The following RYR3 variants were observed in gnomAD, a reference collection of about 807,000 sequenced individuals.
The protein encoded by RYR3 is ryanodine receptor 3, also known as brain ryanodine receptor-calcium release channel.
A neutral mutation model predicts 584.3 loss-of-function variants in RYR3; 207 were observed. The observed-to-expected ratio is 0.35, with a 90% CI of 0.32 to 0.40. The LOEUF is 0.40. RYR3 is among the 10% of genes least tolerant of loss of function. The probability of loss-of-function intolerance (pLI) is 1.00; values close to 1 mark genes in which losing one functional copy is unlikely to be tolerated. For missense variants in RYR3, 5,616 were observed against 6,089.2 expected, an observed-to-expected ratio of 0.92 and a Z score of 2.59; for synonymous variants, 2,416 against 2,248.5, an observed-to-expected ratio of 1.07 and a Z score of -2.11.
At chr15:33,373,242 A>G (rs1254616828) in intron 1 of RYR3, among the ~76,000 whole-genome samples, 2 of 152,210 alleles carry the variant, frequency 1.3e-5, no homozygotes, top group African/African-American at 2.4e-5. Context: ...ATACATCTCC[A>G]TATGGTGTTA....
At chr15:33,610,968 T>C (rs2060152253) in intron 18 of RYR3, among the ~76,000 whole-genome samples, 1 of 152,144 alleles carries the variant, frequency 6.6e-6, no homozygotes, top group Admixed American at 6.5e-5. Flanking sequence ...GCATTTCGCA[T>C]TTTGGATTTT....
intron 16 of RYR3, among the ~76,000 whole-genome samples, chr15:33,594,572 G>A (rs1160147051): frequency 1.3e-5 from 2 of 152,174 alleles, no homozygotes; most frequent in Non-Finnish European, 2.9e-5. Context: ...CTCCTGTTAC[G>A]TTTGATAGCC....
At chr15:33,372,968 G>T (rs769077641) in intron 1 of RYR3, among the ~76,000 whole-genome samples, 44 of 152,174 alleles carry the variant, frequency 2.9e-4, no homozygotes, top group Non-Finnish European at 5.7e-4. Flanking sequence ...AGTGCTGATT[G>T]TCTTGGTGTT....
At chr15:33,555,151 C>A (rs2056983980) in intron 10 of RYR3, among the ~76,000 whole-genome samples, 1 of 152,302 alleles carries the variant, frequency 6.6e-6, no homozygotes, top group African/African-American at 2.4e-5. Flanking sequence ...GCATGGTGTT[C>A]TTGGCCAAAT....
chr15:33,777,881 G>A (rs971753903), intron 64 of RYR3, among the ~76,000 whole-genome samples: 1 of 152,052 alleles, frequency 6.6e-6, no homozygotes, highest in Non-Finnish European at 1.5e-5. Context: ...TGTAAAATTT[G>A]CTGTCAGGCA....
rs753757420 is a variant in RYR3 at position 33,649,071 on chromosome 15, G to A, written c.3979-1G>A. 10 of 1,612,528 alleles carry A rather than the reference G, an allele frequency of 6.2e-6. No individual in the cohort carries two copies. The highest frequency in any genetic ancestry group is 6.8e-6 in the Non-Finnish European group (8 of 1,179,514). ...GACTCCCCTCTGCGGTCTCTCCACAGCAGTGCTACTACGCCATCCGCATCT... is the reference window on the plus strand; with the variant it reads ...GACTCCCCTCTGCGGTCTCTCCACAACAGTGCTACTACGCCATCCGCATCT... On this transcript the variant is annotated splice_acceptor_variant, in intron 30 of 103. Transcript: ENST00000634891. LOFTEE classifies it high-confidence loss of function.
chr15:33,405,251 G>T (rs2042943982), intron 1 of RYR3, among the ~76,000 whole-genome samples: 1 of 152,176 alleles, frequency 6.6e-6, no homozygotes, highest in African/African-American at 2.4e-5. Context: ...TGAGGCCATG[G>T]TTCTGGCATT....
chr15:33,750,389 C>A, intron 57 of RYR3, 103 bp downstream of exon 57: 1 of 1,149,678 alleles, frequency 8.7e-7, no homozygotes, highest in South Asian at 1.7e-5. Context: ...ACAATTGAGT[C>A]TTTTAAAATG....
intron 32 of RYR3, among the ~76,000 whole-genome samples, chr15:33,659,162 G>A (rs1010937967): frequency 1.3e-5 from 2 of 152,214 alleles, no homozygotes; most frequent in African/African-American, 4.8e-5. Context: ...TACAGTGCAT[G>A]GGATGGCGCC....
At chr15:33,722,591 C>T (rs1029582332) in intron 43 of RYR3, 124 bp from the exon 44 acceptor site, 2 of 933,122 alleles carry the variant, frequency 2.1e-6, no homozygotes, top group Non-Finnish European at 3.4e-6. Flanking sequence ...ACTTGACTGG[C>T]CTAAACCAAA....
At chr15:33,790,135 C>T (rs1355849380) in intron 67 of RYR3, among the ~76,000 whole-genome samples, 1 of 151,556 alleles carries the variant, frequency 6.6e-6, no homozygotes, top group Non-Finnish European at 1.5e-5. Context: ...GGACTACAGG[C>T]GCACACCACC....
In RYR3 at chr15:33,533,385, C is replaced by A; in HGVS notation, c.429C>A (p.Ala143=). ...LAFDVGLREH[A]TGEACWWTIH... The stretch of plus-strand genomic sequence containing the variant: ...TTGATGTAGGTCTACGGGAACATGC[C>A]ACAGGTGAGTCAGCATTCCCAGATC... Residue 143 remains alanine (A), a synonymous_variant, in exon 5 of 104, where the codon GCC becomes GCA. Coordinates refer to ENST00000634891, the MANE Select transcript of RYR3 (RefSeq NM_001036.6). 1 of 1,603,042 alleles carries A rather than the reference C, an allele frequency of 6.2e-7. No individual in the cohort carries two copies. The highest frequency in any genetic ancestry group is 8.5e-7 in the Non-Finnish European group (1 of 1,173,634).
At position 33,669,853 on chromosome 15, in the gene RYR3, G is replaced by T. The variant is rs1295891389; in HGVS notation, c.5722+397G>T. On this transcript the variant is annotated intron_variant, in intron 37 of 103. Transcript: ENST00000634891. ...AGGGGTGTGTGTGTGTGGGGGGGGG[G>T]GGGGGTGTGGGTGTGTGGGTGTGTG... Among the ~76,000 whole-genome samples the T allele has an allele frequency of 2.5e-4, 10 of 40,090 alleles. 2 individuals are homozygous for T. Among genetic ancestry groups the T allele is most frequent in the Non-Finnish European group, 4.6e-4 (7 of 15,378 alleles). The allele number at this position is 40,090 out of a possible 152,430, so 26.3% of individuals were successfully genotyped here.
intron 1 of RYR3, among the ~76,000 whole-genome samples, chr15:33,452,821 A>G (rs188805513): frequency 3.3e-5 from 5 of 152,342 alleles, no homozygotes; most frequent in African/African-American, 4.8e-5. Flanking sequence ...TGGATTTTAT[A>G]TGAAACTTAA....
chr15:33,780,352 C>G lies in RYR3; in HGVS notation c.9268+11C>G. The G allele has an allele frequency of 5.0e-6, 8 of 1,613,202 alleles. No individual in the cohort carries two copies. Among genetic ancestry groups the G allele is most frequent in the Non-Finnish European group, 6.8e-6 (8 of 1,179,486 alleles). ...CCAGGGAGAGGTCTAGTAAGTATCT[C>G]CCCTCAAAGGTCATCAACCCATTTC... On this transcript the variant is annotated intron_variant, in intron 65 of 103. Transcript: ENST00000634891.
At chr15:33,474,316 T>C (rs1394238491) in intron 2 of RYR3, among the ~76,000 whole-genome samples, 1 of 152,120 alleles carries the variant, frequency 6.6e-6, no homozygotes, top group Non-Finnish European at 1.5e-5. Flanking sequence ...TATATAAGTG[T>C]ATAGAGATTT....
At chr15:33,383,903 A>G (rs1425815468) in intron 1 of RYR3, among the ~76,000 whole-genome samples, 1 of 152,248 alleles carries the variant, frequency 6.6e-6, no homozygotes, top group African/African-American at 2.4e-5. Flanking sequence ...AATTGGGTAC[A>G]TATACACCAT....
chr15:33,683,481 C>T (rs1300060209), intron 38 of RYR3, among the ~76,000 whole-genome samples: 1 of 152,210 alleles, frequency 6.6e-6, no homozygotes, highest in East Asian at 1.9e-4. Flanking sequence ...CCCTCCATTG[C>T]TGTTTGAAAA....
intron 1 of RYR3, among the ~76,000 whole-genome samples, chr15:33,421,063 A>G (rs1297713179): frequency 6.6e-6 from 1 of 152,076 alleles, no homozygotes; most frequent in Non-Finnish European, 1.5e-5. Context: ...CAATTTGGGG[A>G]GCCATGAGAG....
Sources: allele counts gnomAD v4.1 joint callset (sites outside exome capture counted in the v4.1 genomes callset), GRCh38; gene constraint gnomAD v4.1.1; transcripts MANE v1.5; gene names NCBI Gene and HGNC (gene_info 2026-07-23, HGNC 2026-07-21).